Variants in MROH7 observed in about 807,000 individuals in gnomAD.
MROH7 encodes maestro heat like repeat family member 7.
Under a neutral mutation model 129.2 loss-of-function variants are expected in MROH7, and 113 were observed. That is an observed-to-expected ratio of 0.87 (90% CI 0.75 to 1.02). MROH7 has a LOEUF of 1.02. MROH7 is among the 50% of genes least tolerant of loss of function. The pLI is 0.00. For missense variants in MROH7, 1,601 were observed against 1,671.3 expected, an observed-to-expected ratio of 0.96 and a Z score of 0.73; for synonymous variants, 655 against 667.9, an observed-to-expected ratio of 0.98 and a Z score of 0.30.
intron 15 of MROH7, among the ~76,000 whole-genome samples, chr1:54,691,699 G>C (rs532188024): frequency 6.6e-6 from 1 of 151,650 alleles, no homozygotes; most frequent in African/African-American, 2.4e-5. Flanking sequence ...CCAGCTACTC[G>C]GGAGGCTGAG....
chr1:54,704,433 T>A (rs899931095), intron 21 of MROH7, among the ~76,000 whole-genome samples: 1 of 84,590 alleles, frequency 1.2e-5, no homozygotes, highest in Non-Finnish European at 2.3e-5. Context: ...AAACCTATTT[T>A]TTTTTTTTTT....
chr1:54,709,201 T>A, intron 23 of MROH7, 125 bp downstream of exon 23: 1 of 907,100 alleles, frequency 1.1e-6, no homozygotes, highest in Non-Finnish European at 1.8e-6. Context: ...AGTTCAGTTG[T>A]ACTAGTTTTT....
chr1:54,663,804 C>T (rs1032348417), intron 3 of MROH7: 2 of 453,462 alleles, frequency 4.4e-6, no homozygotes, highest in Non-Finnish European at 8.8e-6. Context: ...GTCCTGGAAT[C>T]GACCTTTTCT....
rs1005600806 is a variant in MROH7, at chr1:54,710,026, T to C, written c.3811T>C (p.Cys1271Arg). The change falls in exon 24 of 24, where the codon TGC becomes CGC. Residue 1271 changes from cysteine (C) to arginine (R), a missense_variant. Coordinates refer to ENST00000421030, the MANE Select transcript of MROH7 (RefSeq NM_001039464.4). ...AQVQDHILAS[C>R]WQNSWLPHGN... ...GGTCCAGGACCACATCCTGGCCAGC[T>C]GCTGGCAGAACTCCTGGCTGCCGCA... The C allele has an allele frequency of 1.9e-6, 3 of 1,614,034 alleles. No individual in the cohort carries two copies. Among genetic ancestry groups the C allele is most frequent in the Non-Finnish European group, 2.5e-6 (3 of 1,180,038 alleles).
intron 1 of MROH7, among the ~76,000 whole-genome samples, chr1:54,646,286 T>C (rs943907163): frequency 2.6e-5 from 4 of 152,104 alleles, no homozygotes; most frequent in African/African-American, 9.7e-5. Flanking sequence ...GGAGAAGGGA[T>C]TGGGGCTCCC....
intron 17 of MROH7, chr1:54,699,091 G>A (rs1318072655): frequency 8.4e-6 from 1 of 118,370 alleles, no homozygotes; most frequent in African/African-American, 3.2e-5. Flanking sequence ...ACCTTGCCTG[G>A]CCTTTTCTTT....
intron 7 of MROH7, among the ~76,000 whole-genome samples, chr1:54,671,627 G>A (rs1160358715): frequency 2.6e-5 from 4 of 152,208 alleles, no homozygotes; most frequent in Admixed American, 2.6e-4. Flanking sequence ...AGGCATTCCT[G>A]GGAGGAGGGG....
chr1:54,682,870 C>T, intron 14 of MROH7, 76 bp downstream of exon 14: 1 of 1,526,046 alleles, frequency 6.6e-7, no homozygotes, highest in Non-Finnish European at 8.8e-7. Flanking sequence ...CTGAGCTAAG[C>T]ACACCCGGCC....
At position 54,703,722 on chromosome 1, in the gene MROH7, C is replaced by T. The variant is rs763759028; in HGVS notation, c.3564+977C>T. 8.5e-5 allele frequency among the ~76,000 whole-genome samples: 13 copies of T among 152,050 alleles called. No individual in the cohort carries two copies. The highest frequency in any genetic ancestry group is 1.5e-4 in the Non-Finnish European group (10 of 68,014). On this transcript the variant is annotated intron_variant, in intron 21 of 23. Transcript: ENST00000421030. The surrounding 1 kb of genome is among the most constrained non-coding windows in gnomAD (Gnocchi z 4.4). ...TATGTCATTTGGGAGGATTTGCCCGCGGTCTCAATCTACCTTCCCTGTTGT... is the reference window on the plus strand; with the variant it reads ...TATGTCATTTGGGAGGATTTGCCCGTGGTCTCAATCTACCTTCCCTGTTGT...
In MROH7 at chr1:54,678,904, G is replaced by T. The variant is rs776179746; in HGVS notation, c.2049+50G>T. 10 of 1,415,868 alleles carry T rather than the reference G, an allele frequency of 7.1e-6. No homozygotes were observed. In the African/African-American group the frequency reaches 1.3e-4, roughly 18 times the overall value. The allele number at this position is 1,415,868 out of a possible 1,614,324, so 87.7% of individuals were successfully genotyped here. A position where few individuals can be genotyped will look rare whatever the true frequency, so the allele number is the denominator to read the frequency against. On this transcript the variant is annotated intron_variant, in intron 11 of 23. Coordinates refer to ENST00000421030, the MANE Select transcript of MROH7 (RefSeq NM_001039464.4). ...AGCGGAGGGTGGGGGGTGAGGAGGG[G>T]CAGTGCCACCTGGCCCCAAAGCTTT...
At chr1:54,692,837 T>C (rs1292492143) in intron 16 of MROH7, among the ~76,000 whole-genome samples, 1 of 152,230 alleles carries the variant, frequency 6.6e-6, no homozygotes, top group Non-Finnish European at 1.5e-5. Flanking sequence ...TTAGTTCCCA[T>C]GCCAAAACAG....
intron 10 of MROH7, 32 bp from the exon 11 acceptor site, chr1:54,678,710 C>T: frequency 6.7e-7 from 1 of 1,497,254 alleles, no homozygotes; most frequent in African/African-American, 1.4e-5. Flanking sequence ...ATAGGGAGAT[C>T]CGGCCTCACT....
intron 3 of MROH7, among the ~76,000 whole-genome samples, chr1:54,657,807 T>G (rs1181862947): frequency 3.3e-5 from 5 of 152,002 alleles, no homozygotes; most frequent in Non-Finnish European, 7.4e-5. Context: ...ACTACAGGTG[T>G]GTGCCACTAT....
intron 14 of MROH7, 26 bp from the exon 15 acceptor site, chr1:54,686,232 C>G: frequency 1.9e-6 from 3 of 1,591,106 alleles, no homozygotes; most frequent in Admixed American, 1.7e-5. Context: ...CCACGACATC[C>G]CAGCAGCCTC....
intron 15 of MROH7, among the ~76,000 whole-genome samples, chr1:54,690,646 T>G (rs572181611): frequency 6.6e-6 from 1 of 152,126 alleles, no homozygotes; most frequent in Non-Finnish European, 1.5e-5. Context: ...GATTTCACCA[T>G]GTTAGCCAGG....
chr1:54,699,159 T>TTTCTTTCTTTCTTTCCTTTCTTTC (rs71048705), intron 17 of MROH7: 1 of 65,920 alleles, frequency 1.5e-5, no homozygotes, highest in Non-Finnish European at 3.1e-5. Context: ...TCTTTCTTTC[T>TTTCTTTCTTTCTTTCCTTTCTTTC]TTTCTTTCTT....
intron 21 of MROH7, among the ~76,000 whole-genome samples, 182 bp downstream of exon 21, chr1:54,702,927 TCAGTGGCTTC>T (rs1008719893): frequency 6.6e-6 from 1 of 152,180 alleles, no homozygotes; most frequent in African/African-American, 2.4e-5. Flanking sequence ...TGTTCTCTGT[TCAGTGGCTTC>T]CTGCATACCT....
intron 15 of MROH7, 109 bp from the exon 16 acceptor site, chr1:54,692,315 G>T (rs1645252481): frequency 7.2e-7 from 1 of 1,390,404 alleles, no homozygotes; most frequent in Non-Finnish European, 9.9e-7. Context: ...TACCTAAAAT[G>T]GTGAAGAGAA....
In MROH7 at chr1:54,652,908, A is replaced by G. The variant is rs1369189183; in HGVS notation, c.-19A>G. The G allele has an allele frequency of 3.9e-6, 6 of 1,542,128 alleles. No individual in the cohort carries two copies. The South Asian group carries it at 6.4e-5, about 16-fold the overall frequency. On this transcript the variant is annotated 5_prime_UTR_variant, in exon 3 of 24. It removes the in-frame stop codon of an upstream open reading frame in the 5' UTR. Coordinates refer to ENST00000421030, the MANE Select transcript of MROH7 (RefSeq NM_001039464.4). ...TGGAGAGAAGCGGGCACTGGCATTG[A>G]GAGACCTCCAGACTGGACATGGCCC...
Sources: gnomAD v4.1 joint callset for allele counts (sites outside exome capture counted in the v4.1 genomes callset) on GRCh38, gnomAD v4.1.1 for gene constraint, Gnocchi (gnomAD v3.1) non-coding constraint, MANE v1.5 for transcripts, NCBI Gene and HGNC (gene_info 2026-07-23, HGNC 2026-07-21) for gene names.